KDM5B: variants seen among roughly 807,000 people sequenced by gnomAD.
KDM5B encodes the protein lysine-specific demethylase 5B.
A neutral mutation model predicts 193.4 loss-of-function variants in KDM5B; 144 were observed. That is an observed-to-expected ratio of 0.74 (90% confidence interval 0.65 to 0.86). The LOEUF (loss-of-function observed/expected upper bound fraction) is 0.86. Among genes scored for constraint, KDM5B ranks in the 40% least tolerant of loss-of-function variants. KDM5B has a pLI of 0.00. For synonymous variants in KDM5B, 668 were observed against 682.6 expected, an observed-to-expected ratio of 0.98 and a Z score of 0.33; for missense variants, 1,833 against 1,886.9, an observed-to-expected ratio of 0.97 and a Z score of 0.53.
intron 4 of KDM5B, among the ~76,000 whole-genome samples, chr1:202,771,695 C>G (rs1656726588): frequency 6.6e-6 from 1 of 152,126 alleles, no homozygotes. Context: ...GATTCTCCTG[C>G]CCCAGCCTCC....
At chr1:202,804,615 G>C (rs1658209056) in intron 1 of KDM5B, among the ~76,000 whole-genome samples, 1 of 152,122 alleles carries the variant, frequency 6.6e-6, no homozygotes, top group Non-Finnish European at 1.5e-5. Context: ...TAAAGATGAA[G>C]GAATCAAACT....
intron 1 of KDM5B, among the ~76,000 whole-genome samples, chr1:202,784,600 T>A (rs554955856): frequency 6.6e-6 from 1 of 152,146 alleles, no homozygotes; most frequent in Non-Finnish European, 1.5e-5. Flanking sequence ...ATGCAAAAGG[T>A]AGAACTAGGT....
chr1:202,748,658 C>G (rs1173996267), intron 14 of KDM5B, among the ~76,000 whole-genome samples: 4 of 152,090 alleles, frequency 2.6e-5, no homozygotes, highest in African/African-American at 4.8e-5. Flanking sequence ...AGCTTGAACC[C>G]AGGAGTTTGA....
chr1:202,787,049 G>T (rs1191885686), intron 1 of KDM5B, among the ~76,000 whole-genome samples: 1 of 151,674 alleles, frequency 6.6e-6, no homozygotes, highest in Non-Finnish European at 1.5e-5. Flanking sequence ...ACAGGATTTT[G>T]CTCTGTCCCT....
rs1572739925 is a variant in KDM5B, at chr1:202,764,081, C to T, written c.776G>A (p.Arg259Gln). Residue 259 changes from arginine to glutamine, a missense_variant, in exon 6 of 27, where the codon CGA (arginine) becomes CAA (glutamine). Around this residue, in one of 3 missense-constraint regions of KDM5B, gnomAD observed 355 missense variants for 374.9 expected, o/e 0.95. Coordinates refer to ENST00000367265, the MANE Select transcript of KDM5B (RefSeq NM_006618.5). ...TEARTHNLRR[R>Q]MGCPTPKCEN... is the part of the protein sequence containing the mutation. ...ACATTTTGGAGTTGGACAACCCATT[C>T]GACGTCTCAGATTATGAGTTCTGGC... 6 of 1,580,458 alleles carry T rather than the reference C, an allele frequency of 3.8e-6. No homozygotes were observed. The highest frequency in any genetic ancestry group is 1.4e-5 in the African/African-American group (1 of 73,592).
At chr1:202,788,490 A>C (rs1657503549) in intron 1 of KDM5B, among the ~76,000 whole-genome samples, 1 of 152,220 alleles carries the variant, frequency 6.6e-6, no homozygotes, top group South Asian at 2.1e-4. Context: ...TTTACTTTTT[A>C]AGCATTCGTC....
intron 23 of KDM5B, among the ~76,000 whole-genome samples, 154 bp downstream of exon 23, chr1:202,733,247 C>G (rs1417633788): frequency 1.3e-5 from 2 of 152,172 alleles, no homozygotes; most frequent in Non-Finnish European, 2.9e-5. Context: ...GTTATACCTG[C>G]ATGGTCTTGA....
At chr1:202,792,539 AAACT>A (rs771721806) in intron 1 of KDM5B, among the ~76,000 whole-genome samples, 38 of 152,244 alleles carry the variant, frequency 2.5e-4, no homozygotes, top group Non-Finnish European at 5.0e-4. Context: ...ATGAGCCAAC[AAACT>A]AACAGTATAT....
chr1:202,732,061 CT>C, intron 23 of KDM5B, 122 bp from the exon 24 acceptor site: 1 of 631,326 alleles, frequency 1.6e-6, no homozygotes, highest in Middle Eastern at 4.0e-4. Context: ...AAAAAAACAA[CT>C]TGATTTTCCC....
chr1:202,733,454 G>A lies in KDM5B; in HGVS notation c.3856C>T (p.Leu1286=), dbSNP rs1572705175. The part of the protein sequence containing the change: ...KFVQDRVGSG[L]LYSRWQASAG... ...GAGGCTTGCCATCTGCTATATAACA[G>A]TCCTGAGCCCACTCGATCTTGCACA... The change falls in exon 23 of 27, where the codon CTG becomes TTG. Residue 1286 remains leucine, a synonymous_variant. Coordinates refer to ENST00000367265, the MANE Select transcript of KDM5B (RefSeq NM_006618.5). The A allele has an allele frequency of 6.2e-7, 1 of 1,614,160 alleles. No homozygotes were observed. Among genetic ancestry groups the A allele is most frequent in the South Asian group, 1.1e-5 (1 of 91,090 alleles).
At chr1:202,738,660 T>G (rs1363767305) in intron 20 of KDM5B, among the ~76,000 whole-genome samples, 2 of 152,208 alleles carry the variant, frequency 1.3e-5, no homozygotes, top group Non-Finnish European at 2.9e-5. Flanking sequence ...ATTTCTAGAA[T>G]TTGAGGACTT....
Position 202,736,259 on chromosome 1 carries a change from G to C in KDM5B, c.3218C>G (p.Ala1073Gly). The C allele has an allele frequency of 6.2e-7, 1 of 1,608,082 alleles. No homozygotes were observed. Among genetic ancestry groups the C allele is most frequent in the Non-Finnish European group, 8.5e-7 (1 of 1,176,976 alleles). ...VAEVQAWKECAVNTFLTENSP... is the reference protein window; with the variant it reads ...VAEVQAWKECGVNTFLTENSP... The stretch of plus-strand genomic sequence containing the variant: ...ATTCTCAGTCAAGAATGTATTAACA[G>C]CACATTCTTTCCAAGCCTGAACCTC... The change falls in exon 21 of 27, where the codon GCT becomes GGT. Residue 1073 changes from alanine to glycine, a missense_variant. This residue lies in a region of KDM5B where 1,379 missense variants were observed against 1,349.6 expected (regional missense o/e 1.02). Coordinates refer to ENST00000367265, the MANE Select transcript of KDM5B (RefSeq NM_006618.5).
intron 1 of KDM5B, among the ~76,000 whole-genome samples, chr1:202,800,139 G>A (rs1313755282): frequency 6.6e-6 from 1 of 152,106 alleles, no homozygotes; most frequent in African/African-American, 2.4e-5. Flanking sequence ...CACCTCCCAG[G>A]TTCAAGTGAT....
intron 1 of KDM5B, among the ~76,000 whole-genome samples, chr1:202,786,159 C>T (rs1572767187): frequency 8.5e-6 from 1 of 118,216 alleles, no homozygotes; most frequent in Admixed American, 1.2e-4. Flanking sequence ...ACCACCATGA[C>T]CAGCTAATTT....
intron 5 of KDM5B, chr1:202,766,506 TAAAA>T: frequency 2.5e-5 from 10 of 393,526 alleles, no homozygotes; most frequent in Admixed American, 6.3e-5. Context: ...ACTCTGTCTC[TAAAA>T]AAAAAAAAAG....
chr1:202,755,637 C>T (rs1197495682), intron 10 of KDM5B, among the ~76,000 whole-genome samples, 185 bp from the exon 11 acceptor site: 2 of 152,126 alleles, frequency 1.3e-5, no homozygotes, highest in African/African-American at 4.8e-5. Context: ...TATAAATGGA[C>T]TCACACAGCA....
At chr1:202,799,602 G>A (rs1253232988) in intron 1 of KDM5B, among the ~76,000 whole-genome samples, 13 of 150,002 alleles carry the variant, frequency 8.7e-5, no homozygotes, top group East Asian at 2.0e-4. Flanking sequence ...GCGGTGAGCC[G>A]AGATCACGCC....
intron 14 of KDM5B, among the ~76,000 whole-genome samples, chr1:202,748,184 G>A (rs1303914883): frequency 6.6e-6 from 1 of 152,068 alleles, no homozygotes; most frequent in African/African-American, 2.4e-5. Flanking sequence ...AAATGCTGCT[G>A]GAAGAACTAG....
At chr1:202,744,549 C>A (rs1461749153) in intron 16 of KDM5B, among the ~76,000 whole-genome samples, 1 of 152,104 alleles carries the variant, frequency 6.6e-6, no homozygotes, top group Admixed American at 6.5e-5. Flanking sequence ...CAGAGCAAGA[C>A]TCCGTCTCAA....
Sources: gnomAD v4.1 joint callset for allele counts (sites outside exome capture counted in the v4.1 genomes callset) on GRCh38, gnomAD v4.1.1 for gene constraint, gnomAD v4.1.1 regional missense constraint, MANE v1.5 for transcripts, NCBI Gene and HGNC (gene_info 2026-07-23, HGNC 2026-07-21) for gene names.